The following DMXL1 variants were observed in gnomAD, a reference collection of about 807,000 sequenced individuals.
DMXL1 encodes the protein dmX-like protein 1.
In DMXL1, 99 loss-of-function variants were observed where a neutral mutation model predicts 319.2. That is an observed-to-expected ratio of 0.31 (90% CI 0.26 to 0.37). The LOEUF (loss-of-function observed/expected upper bound fraction) is 0.37, where lower values mean the gene tolerates loss of function less well. DMXL1 is among the 10% of genes least tolerant of loss of function. DMXL1 has a pLI of 1.00. For synonymous variants in DMXL1, 1,385 were observed against 1,235.2 expected, an observed-to-expected ratio of 1.12 and a Z score of -2.54; for missense variants, 3,745 against 3,595.6, an observed-to-expected ratio of 1.04 and a Z score of -1.06.
intron 26 of DMXL1, among the ~76,000 whole-genome samples, 165 bp downstream of exon 26, chr5:119,175,502 C>T (rs1775625280): frequency 6.6e-6 from 1 of 152,056 alleles, no homozygotes; most frequent in African/African-American, 2.4e-5. Context: ...ATTTTTATGG[C>T]AGATGAATCT....
chr5:119,152,943 A>G (rs950273652), intron 19 of DMXL1, among the ~76,000 whole-genome samples: 2 of 152,082 alleles, frequency 1.3e-5, no homozygotes, highest in Middle Eastern at 3.4e-3. Flanking sequence ...TGAAAAAAGT[A>G]AAGTTGAAAA....
At chr5:119,143,498 C>G (rs1767870909) in intron 13 of DMXL1, among the ~76,000 whole-genome samples, 1 of 151,936 alleles carries the variant, frequency 6.6e-6, no homozygotes, top group African/African-American at 2.4e-5. Flanking sequence ...TTCTTTAGCT[C>G]TATCCTTCCT....
chr5:119,132,522 G>A lies in DMXL1; in HGVS notation c.1316-610G>A, dbSNP rs376207608. 2.1e-4 allele frequency: 53 copies of A among 252,380 alleles called. 1 individual carries two copies. In the East Asian group the frequency reaches 4.1e-3, roughly 19 times the overall value. 15.6% of individuals were successfully genotyped at this position (252,380 alleles called of 1,614,324 possible). A position where few individuals can be genotyped will look rare whatever the true frequency, so the allele number is the denominator to read the frequency against. ...GGTGAAACCCCGTCTCTACTAAAAA[G>A]TACAAAAATTAGCCGGGCGCAGTGG... On this transcript the variant is annotated intron_variant, in intron 10 of 43. Transcript: ENST00000539542.
intron 33 of DMXL1, chr5:119,206,632 G>T: frequency 2.5e-6 from 1 of 397,152 alleles, no homozygotes. Flanking sequence ...AGTTCTGAGG[G>T]ATTAAGTTTT....
At chr5:119,124,305 G>A (rs1161726803) in intron 9 of DMXL1, among the ~76,000 whole-genome samples, 5 of 146,348 alleles carry the variant, frequency 3.4e-5, no homozygotes, top group Non-Finnish European at 3.0e-5. Flanking sequence ...GTGGCAGAGC[G>A]AGACTCCATC....
rs1208362070 is a variant in DMXL1 at position 119,220,987 on chromosome 5, T to C, written c.8183T>C (p.Val2728Ala). 6.2e-7 allele frequency: 1 copy of C among 1,613,862 alleles called. No individual in the cohort carries two copies. The highest frequency in any genetic ancestry group is 1.1e-5 in the South Asian group (1 of 91,062). ...VIHARDDLTAVQGTTPYTHSN... is the reference protein window; with the variant it reads ...VIHARDDLTAAQGTTPYTHSN... ...CATGCTCGTGATGATTTAACAGCTGTTCAAGGTACAACTCCATATACACAT... is the reference window on the plus strand; with the variant it reads ...CATGCTCGTGATGATTTAACAGCTGCTCAAGGTACAACTCCATATACACAT... Residue 2728 changes from valine (V) to alanine (A), a missense_variant, in exon 37 of 44, where the codon GTT (valine) becomes GCT (alanine). Physicochemically the swap from Val to Ala is moderately conservative, Grantham distance 64. Around this residue, in one of 4 missense-constraint regions of DMXL1, gnomAD observed 1,382 missense variants for 1,269.5 expected, o/e 1.09. Coordinates refer to ENST00000539542, the MANE Select transcript of DMXL1 (RefSeq NM_001290321.3).
chr5:119,190,124 G>T (rs1197486326), intron 29 of DMXL1, among the ~76,000 whole-genome samples: 1 of 152,004 alleles, frequency 6.6e-6, no homozygotes, highest in African/African-American at 2.4e-5. Flanking sequence ...AATAGCTTTT[G>T]CATTTTATTA....
chr5:119,075,241 CTTTTTTT>C (rs201088042), intron 1 of DMXL1, among the ~76,000 whole-genome samples: 1 of 122,676 alleles, frequency 8.2e-6, no homozygotes, highest in African/African-American at 3.1e-5. Flanking sequence ...CTTTTTTTTT[CTTTTTTT>C]TTTTTTTTGG....
intron 43 of DMXL1, 133 bp downstream of exon 43, chr5:119,244,709 CTATT>C: frequency 1.8e-6 from 1 of 561,592 alleles, no homozygotes; most frequent in Non-Finnish European, 3.0e-6. Context: ...GTGCTAATTG[CTATT>C]TAATCTTTCA....
rs1764297213 is a variant in DMXL1, at chr5:119,129,356, T to C, written c.1248T>C (p.Ser416=). 1.2e-6 allele frequency: 2 copies of C among 1,613,830 alleles called. No individual in the cohort carries two copies. The highest frequency in any genetic ancestry group is 1.7e-6 in the Non-Finnish European group (2 of 1,179,894). Residue 416 remains serine (S), a synonymous_variant, in exon 10 of 44, where the codon AGT becomes AGC. Transcript: ENST00000539542. ...MEVFLQQLRK[S]FEQPSSEASV... is the part of the protein sequence containing the mutation. Reference sequence around the variant, plus strand: ...TTTTTTTACAGCAACTTAGAAAAAGTTTTGAACAACCATCTTCTGAGGCCA... The same window carrying C: ...TTTTTTTACAGCAACTTAGAAAAAGCTTTGAACAACCATCTTCTGAGGCCA...
rs79623970 is a variant in DMXL1 at position 119,241,030 on chromosome 5, A to G, written c.8704+559A>G. Among the ~76,000 whole-genome samples the G allele has an allele frequency of 6.0e-3, 910 of 152,224 alleles. 8 individuals carry two copies. The highest frequency in any genetic ancestry group is 0.021 in the African/African-American group (856 of 41,542). ...TGACCCCTGCACAGATGAAAATCAT[A>G]ATTTTTTATTCCCCCCAGAATTTAA... On this transcript the variant is annotated intron_variant, in intron 42 of 43. Transcript: ENST00000539542.
intron 43 of DMXL1, 78 bp from the exon 44 acceptor site, chr5:119,246,917 G>T: frequency 9.2e-7 from 1 of 1,086,224 alleles, no homozygotes; most frequent in East Asian, 2.4e-5. Context: ...ACAGGCATGA[G>T]CCACCGCACC....
chr5:119,071,356 C>T lies in DMXL1; in HGVS notation c.-214C>T. 1.8e-6 allele frequency: 1 copy of T among 548,348 alleles called. No homozygotes were observed. The highest frequency in any genetic ancestry group is 3.2e-6 in the Non-Finnish European group (1 of 313,256). The allele number at this position is 548,348 out of a possible 1,614,324, so 34.0% of individuals were successfully genotyped here. A position where few individuals can be genotyped will look rare whatever the true frequency, so the allele number is the denominator to read the frequency against. On this transcript the variant is annotated 5_prime_UTR_variant, in exon 1 of 44. Transcript: ENST00000539542. Reference sequence around the variant, plus strand: ...GCGCGAAGGAGCGCGGCGCTCCGCCCTCTCGCCGACCCGCCCCCTCCGGGC... The same window carrying T: ...GCGCGAAGGAGCGCGGCGCTCCGCCTTCTCGCCGACCCGCCCCCTCCGGGC...
At chr5:119,192,865 T>G (rs1778939260) in intron 29 of DMXL1, among the ~76,000 whole-genome samples, 1 of 152,156 alleles carries the variant, frequency 6.6e-6, no homozygotes, top group Non-Finnish European at 1.5e-5. Flanking sequence ...ACCCAGTCTT[T>G]CCATTTTATG....
At chr5:119,087,933 C>T (rs1283762115) in intron 1 of DMXL1, among the ~76,000 whole-genome samples, 1 of 152,150 alleles carries the variant, frequency 6.6e-6, no homozygotes, top group Admixed American at 6.5e-5. Flanking sequence ...TCCCAAGTAG[C>T]TGGGATTACA....
chr5:119,174,709 TAG>T lies in DMXL1; in HGVS notation c.6682-549_6682-548del, dbSNP rs550243339. Among the ~76,000 whole-genome samples the T allele has an allele frequency of 2.2e-3, 331 of 152,398 alleles. 3 individuals are homozygous for T. Among genetic ancestry groups the T allele is most frequent in the African/African-American group, 7.6e-3 (316 of 41,606 alleles). On this transcript the variant is annotated intron_variant, in intron 25 of 43. Transcript: ENST00000539542. The stretch of plus-strand genomic sequence containing the variant: ...GTTATGGCCCTTGCCATGCCATGTT[TAG>T]AGTCTTCTCTTCCTTAAAACAAATG...
Position 119,203,418 on chromosome 5 carries a change from G to T in DMXL1, c.7845G>T (p.Lys2615Asn). The T allele has an allele frequency of 6.3e-7, 1 of 1,598,546 alleles. No homozygotes were observed. The highest frequency in any genetic ancestry group is 1.1e-5 in the South Asian group (1 of 88,690). ...QETFIKNIFT[K>N]KRCLNESLED... ...CCTTTATCAAAAATATATTCACAAA[G>T]AAACGGTGTCTAAATGAGGTCTGTA... is the stretch of plus-strand genomic sequence containing the variant. The change falls in exon 33 of 44, where the codon AAG becomes AAT. Residue 2615 changes from lysine (K) to asparagine (N), a missense_variant. Transcript: ENST00000539542.
chr5:119,086,632 C>A (rs1209812549), intron 1 of DMXL1, among the ~76,000 whole-genome samples: 1 of 152,030 alleles, frequency 6.6e-6, no homozygotes, highest in African/African-American at 2.4e-5. Flanking sequence ...GTTAGTTCTT[C>A]TTTAAATGTT....
At chr5:119,132,359 G>C (rs561723075) in intron 10 of DMXL1, among the ~76,000 whole-genome samples, 1 of 152,096 alleles carries the variant, frequency 6.6e-6, no homozygotes, top group Non-Finnish European at 1.5e-5. Flanking sequence ...TGAAGATAAG[G>C]TGCATATACC....
Sources: allele counts gnomAD v4.1 joint callset (sites outside exome capture counted in the v4.1 genomes callset), GRCh38; gene constraint gnomAD v4.1.1; regional missense constraint gnomAD v4.1.1; transcripts MANE v1.5; gene names NCBI Gene and HGNC (gene_info 2026-07-23, HGNC 2026-07-21).